Variants in NDUFAF6 observed in about 807,000 individuals in gnomAD.
The protein encoded by NDUFAF6 is NADH:ubiquinone oxidoreductase complex assembly factor 6.
A neutral mutation model predicts 40.8 loss-of-function variants in NDUFAF6; 45 were observed. The ratio of observed to expected loss-of-function variants is 1.10; its 90% CI spans 0.87 to 1.42. The LOEUF is 1.42. Ranked by LOEUF, NDUFAF6 falls within the 40% of genes most tolerant of loss-of-function variation. The probability of loss-of-function intolerance (pLI) is 0.00; values close to 1 mark genes in which losing one functional copy is unlikely to be tolerated. For missense variants in NDUFAF6, 435 were observed against 418.5 expected, an observed-to-expected ratio of 1.04 and a Z score of -0.34; for synonymous variants, 185 against 155.9, an observed-to-expected ratio of 1.19 and a Z score of -1.39.
chr8:95,073,138 C>T (rs1832922987), intron 9 of NDUFAF6: 1 of 152,652 alleles, frequency 6.6e-6, no homozygotes, highest in South Asian at 2.1e-4. Flanking sequence ...AGGAGGGCTC[C>T]GACCGGACGG....
chr8:94,947,055 C>T (rs143938450), intron 2 of NDUFAF6, among the ~76,000 whole-genome samples: 60 of 152,242 alleles, frequency 3.9e-4, no homozygotes, highest in African/African-American at 1.3e-3. Context: ...TTATTTGTCC[C>T]ATTTTACTGA....
chr8:95,110,508 T>C (rs551983488), intron 4 of NDUFAF6, among the ~76,000 whole-genome samples: 1 of 152,360 alleles, frequency 6.6e-6, no homozygotes, highest in South Asian at 2.1e-4. Flanking sequence ...TTCTAAGTGC[T>C]TTCTATAGTC....
chr8:94,918,372 A>C (rs1308129291), intron 1 of NDUFAF6, among the ~76,000 whole-genome samples: 1 of 152,096 alleles, frequency 6.6e-6, no homozygotes, highest in Non-Finnish European at 1.5e-5. Context: ...TGGAGAAATA[A>C]GCTGCCAGGG....
chr8:94,957,480 A>G (rs1301585987), upstream of NDUFAF6, among the ~76,000 whole-genome samples: 1 of 152,178 alleles, frequency 6.6e-6, no homozygotes, highest in Non-Finnish European at 1.5e-5. Flanking sequence ...GGGACAGCCA[A>G]TGGGGTGACT....
chr8:95,023,980 ACT>A (rs1276991728), upstream of NDUFAF6, among the ~76,000 whole-genome samples: 1 of 145,820 alleles, frequency 6.9e-6, no homozygotes, highest in Non-Finnish European at 1.5e-5. Flanking sequence ...ACAGAGTGAG[ACT>A]CTGTCTCAAA....
chr8:95,069,146 A>T (rs1290440801), intron 9 of NDUFAF6: 2 of 151,792 alleles, frequency 1.3e-5, no homozygotes, highest in African/African-American at 2.4e-5. Flanking sequence ...ACACTCACTT[A>T]TTCACTCACT....
In NDUFAF6 at chr8:95,025,216, A is replaced by C; in HGVS notation, c.197+11A>C. The C allele has an allele frequency of 1.4e-6, 2 of 1,411,198 alleles. No homozygotes were observed. Among genetic ancestry groups the C allele is most frequent in the Non-Finnish European group, 1.8e-6 (2 of 1,094,304 alleles). The allele number at this position is 1,411,198 out of a possible 1,614,324, so 87.4% of individuals were successfully genotyped here. A position where few individuals can be genotyped will look rare whatever the true frequency, so the allele number is the denominator to read the frequency against. ...CCTGGAGCTGCTGCGGTGAGCGAGCACGACCTTCCCTGGCGCGGCGGGAAG... is the reference window on the plus strand; with the variant it reads ...CCTGGAGCTGCTGCGGTGAGCGAGCCCGACCTTCCCTGGCGCGGCGGGAAG... On this transcript the variant is annotated intron_variant, in intron 1 of 8. Transcript: ENST00000396124.
intron 2 of NDUFAF6, among the ~76,000 whole-genome samples, chr8:94,987,338 A>G (rs1825965334): frequency 1.3e-5 from 2 of 152,270 alleles, no homozygotes; most frequent in Non-Finnish European, 2.9e-5. Context: ...GTACTTTATT[A>G]GCTGCCTTGA....
intron 1 of NDUFAF6, among the ~76,000 whole-genome samples, chr8:94,964,953 T>G (rs1024393245): frequency 6.6e-5 from 10 of 152,214 alleles, no homozygotes; most frequent in Non-Finnish European, 1.2e-4. Context: ...CTCTTTCCTC[T>G]TCTCAGGTCC....
upstream of NDUFAF6, among the ~76,000 whole-genome samples, chr8:94,953,515 G>A (rs2515226): frequency 0.33 from 50,387 of 152,136 alleles, 9,026 homozygotes; most frequent in Non-Finnish European, 0.41. Flanking sequence ...ACTCGTTCTT[G>A]GGGCGGTTGT....
At chr8:95,095,554 T>A (rs1369892668), upstream of NDUFAF6, among the ~76,000 whole-genome samples, 1 of 152,132 alleles carries the variant, frequency 6.6e-6, no homozygotes, top group African/African-American at 2.4e-5. Context: ...GCTGTTAAAT[T>A]CCCTGGGGCT....
chr8:94,988,948 A>G (rs1380162031), intron 2 of NDUFAF6: 3 of 152,246 alleles, frequency 2.0e-5, no homozygotes, highest in Non-Finnish European at 4.4e-5. Flanking sequence ...CATACATTTC[A>G]CGATTCCACT....
At chr8:95,033,599 A>G (rs1829120080) in intron 2 of NDUFAF6, among the ~76,000 whole-genome samples, 1 of 152,218 alleles carries the variant, frequency 6.6e-6, no homozygotes. Context: ...GACTAGTGCT[A>G]TGGAGAGAAA....
chr8:94,934,721 A>C (rs575655986), intron 1 of NDUFAF6, among the ~76,000 whole-genome samples: 6 of 152,188 alleles, frequency 3.9e-5, no homozygotes, highest in Non-Finnish European at 8.8e-5. Flanking sequence ...AGGTAAAATC[A>C]TAATCAGAAG....
chr8:94,920,390 A>G (rs1819419955), intron 1 of NDUFAF6, among the ~76,000 whole-genome samples: 1 of 152,232 alleles, frequency 6.6e-6, no homozygotes, highest in Admixed American at 6.5e-5. Context: ...TCTACCTTCA[A>G]GATGGCTCCT....
At chr8:95,108,723 AC>A (rs1809912526) in intron 4 of NDUFAF6, among the ~76,000 whole-genome samples, 1 of 152,076 alleles carries the variant, frequency 6.6e-6, no homozygotes, top group South Asian at 2.1e-4. Flanking sequence ...GGAAATTGGA[AC>A]CTTTGTGCTT....
chr8:95,064,038 ATTTTTTTTTTTTTTTT>A (rs1160777112), intron 9 of NDUFAF6, among the ~76,000 whole-genome samples: 1 of 104,808 alleles, frequency 9.5e-6, no homozygotes, highest in East Asian at 2.6e-4. Flanking sequence ...CGCCTGGCTA[ATTTTTTTTTTTTTTTT>A]TTTTTTTTTG....
At chr8:95,078,683 C>T (rs934345676), downstream of NDUFAF6, 33 of 126,768 alleles carry the variant, frequency 2.6e-4, no homozygotes, top group African/African-American at 9.6e-4. Context: ...ATATATATAT[C>T]CCCTGTACTC....
intron 2 of NDUFAF6, among the ~76,000 whole-genome samples, chr8:95,087,240 T>A (rs1308993999): frequency 6.6e-6 from 1 of 152,196 alleles, no homozygotes; most frequent in African/African-American, 2.4e-5. Flanking sequence ...ACTTGCATCT[T>A]CCGTTTTCTC....
Sources: gnomAD v4.1 joint callset for allele counts (sites outside exome capture counted in the v4.1 genomes callset) on GRCh38, gnomAD v4.1.1 for gene constraint, MANE v1.5 for transcripts, NCBI Gene and HGNC (gene_info 2026-07-23, HGNC 2026-07-21) for gene names.